NDUFS4: variants seen among roughly 807,000 people sequenced by gnomAD.
NDUFS4 encodes NADH:ubiquinone oxidoreductase subunit S4, also known as NADH dehydrogenase [ubiquinone] iron-sulfur protein 4, mitochondrial.
A neutral mutation model predicts 24.3 loss-of-function variants in NDUFS4; 28 were observed. The ratio of observed to expected loss-of-function variants is 1.15; its 90% CI spans 0.85 to 1.58. The LOEUF is 1.58. NDUFS4 is among the 40% of genes most tolerant of loss of function. The pLI is 0.00. For synonymous variants in NDUFS4, 93 were observed against 69.7 expected, an observed-to-expected ratio of 1.34 and a Z score of -1.67; for missense variants, 223 against 207.9, an observed-to-expected ratio of 1.07 and a Z score of -0.45.
chr5:53,647,485 G>A (rs1488580184), intron 3 of NDUFS4, among the ~76,000 whole-genome samples: 2 of 152,090 alleles, frequency 1.3e-5, no homozygotes, highest in Non-Finnish European at 2.9e-5. Flanking sequence ...CGAAAGTACT[G>A]AGATTACAGG....
At chr5:53,609,498 G>A (rs1403393217) in intron 2 of NDUFS4, among the ~76,000 whole-genome samples, 2 of 152,148 alleles carry the variant, frequency 1.3e-5, no homozygotes, top group Admixed American at 1.3e-4. Flanking sequence ...CATTTATAGA[G>A]CAGAGGCAGA....
chr5:53,622,162 A>G (rs1391737869), intron 2 of NDUFS4, among the ~76,000 whole-genome samples: 1 of 152,090 alleles, frequency 6.6e-6, no homozygotes, highest in Non-Finnish European at 1.5e-5. Flanking sequence ...CTTTAGCCTA[A>G]AGAGCCTTAT....
chr5:53,656,351 A>C (rs1369220018), intron 3 of NDUFS4, among the ~76,000 whole-genome samples: 1 of 152,148 alleles, frequency 6.6e-6, no homozygotes. Context: ...TTGAGAAATG[A>C]GCAAATAAAG....
intron 1 of NDUFS4, among the ~76,000 whole-genome samples, chr5:53,602,034 C>T (rs28515477): frequency 0.093 from 14,127 of 152,124 alleles, 782 homozygotes; most frequent in Non-Finnish European, 0.13. Flanking sequence ...ATCCACTGGG[C>T]GTCTTAAAAT....
intron 2 of NDUFS4, among the ~76,000 whole-genome samples, chr5:53,643,843 TTC>T (rs1286446245): frequency 6.6e-6 from 1 of 152,104 alleles, no homozygotes; most frequent in Admixed American, 6.6e-5. Context: ...CAAAAACTGA[TTC>T]TGTGTCATGA....
chr5:53,572,994 A>G, intron 1 of NDUFS4, among the ~76,000 whole-genome samples: 1 of 123,846 alleles, frequency 8.1e-6, no homozygotes. Flanking sequence ...TTAAGAGACC[A>G]GGTCTTGCTC....
chr5:53,567,633 C>G (rs765518461), intron 1 of NDUFS4, among the ~76,000 whole-genome samples: 7 of 151,868 alleles, frequency 4.6e-5, no homozygotes, highest in African/African-American at 1.2e-4. Context: ...TCTTTAAAAA[C>G]GATTCAGTGT....
rs527771351 is a variant in NDUFS4, at chr5:53,600,296, G to A, written c.99-3156G>A. Among the ~76,000 whole-genome samples, 3 of 149,964 alleles carry A rather than the reference G, an allele frequency of 2.0e-5. No homozygotes were observed. In the South Asian group the frequency reaches 6.3e-4, roughly 32 times the overall value. The stretch of plus-strand genomic sequence containing the variant: ...TTACAGGTGTGAGCCGGCCCGCCCG[G>A]CCTATTTTTATTTTTTGTTTATTCA... On this transcript the variant is annotated intron_variant, in intron 1 of 4. Coordinates refer to ENST00000296684, the MANE Select transcript of NDUFS4 (RefSeq NM_002495.4).
intron 2 of NDUFS4, among the ~76,000 whole-genome samples, chr5:53,625,551 C>G (rs1370890130): frequency 6.6e-6 from 1 of 152,130 alleles, no homozygotes; most frequent in African/African-American, 2.4e-5. Context: ...CAGTCTTTTT[C>G]CACTATGTAG....
intron 2 of NDUFS4, among the ~76,000 whole-genome samples, chr5:53,641,794 G>A (rs1289839915): frequency 6.6e-6 from 1 of 152,076 alleles, no homozygotes; most frequent in African/African-American, 2.4e-5. Flanking sequence ...TGGGTTAGTT[G>A]AAAGAAAGTT....
chr5:53,647,563 T>C (rs1751905438), intron 3 of NDUFS4, among the ~76,000 whole-genome samples: 1 of 152,190 alleles, frequency 6.6e-6, no homozygotes, highest in Non-Finnish European at 1.5e-5. Context: ...CTTGTGGTAC[T>C]AATGAAGTCA....
intron 4 of NDUFS4, among the ~76,000 whole-genome samples, chr5:53,682,171 T>TAAAAG (rs1740688254): frequency 6.6e-6 from 1 of 152,216 alleles, no homozygotes; most frequent in Admixed American, 6.6e-5. Flanking sequence ...GCTTAGGGAA[T>TAAAAG]AAAAGAATGA....
rs191805207 is a variant in NDUFS4, at chr5:53,634,766, T to A, written c.178-11467T>A. On this transcript the variant is annotated intron_variant, in intron 2 of 4. Coordinates refer to ENST00000296684, the MANE Select transcript of NDUFS4 (RefSeq NM_002495.4). ...ACCTTATCTGGTTTAGACTGGTTCT[T>A]TTCAAAAGGTAATGTTATATAAGTT... Among the ~76,000 whole-genome samples the A allele has an allele frequency of 2.2e-3, 328 of 152,270 alleles. 1 individual carries two copies. Among genetic ancestry groups the A allele is most frequent in the South Asian group, 5.6e-3 (27 of 4,826 alleles).
chr5:53,599,841 T>C (rs1750254153), intron 1 of NDUFS4, among the ~76,000 whole-genome samples: 1 of 152,026 alleles, frequency 6.6e-6, no homozygotes, highest in South Asian at 2.1e-4. Context: ...CTTAACAAGG[T>C]TTTTGTACTC....
At chr5:53,598,134 A>G (rs1750186366) in intron 1 of NDUFS4, among the ~76,000 whole-genome samples, 1 of 152,178 alleles carries the variant, frequency 6.6e-6, no homozygotes, top group Non-Finnish European at 1.5e-5. Flanking sequence ...GAGAGCAAGA[A>G]GTCTCATTTA....
intron 2 of NDUFS4, 168 bp from the exon 3 acceptor site, chr5:53,646,065 A>C (rs1178626227): frequency 5.1e-6 from 3 of 591,900 alleles, no homozygotes; most frequent in South Asian, 3.8e-5. Context: ...GTATCTAAAT[A>C]GTAATTTACA....
chr5:53,680,003 CAAAT>C (rs1157432258), intron 4 of NDUFS4, among the ~76,000 whole-genome samples: 4 of 151,976 alleles, frequency 2.6e-5, no homozygotes, highest in Non-Finnish European at 5.9e-5. Context: ...CATATTTTTT[CAAAT>C]AAAAGGAAAT....
chr5:53,621,021 TGTTA>T (rs1751018509), intron 2 of NDUFS4, among the ~76,000 whole-genome samples: 1 of 152,216 alleles, frequency 6.6e-6, no homozygotes, highest in Non-Finnish European at 1.5e-5. Flanking sequence ...CCACATTTTC[TGTTA>T]GTTCTTGAGA....
chr5:53,646,810 A>G (rs143742196), intron 3 of NDUFS4, among the ~76,000 whole-genome samples: 1 of 152,268 alleles, frequency 6.6e-6, no homozygotes, highest in East Asian at 1.9e-4. Context: ...TATAGTATGT[A>G]AGTGTTATAA....
Sources: allele counts gnomAD v4.1 joint callset (sites outside exome capture counted in the v4.1 genomes callset), GRCh38; gene constraint gnomAD v4.1.1; transcripts MANE v1.5; gene names NCBI Gene and HGNC (gene_info 2026-07-23, HGNC 2026-07-21).